Variants in ACACA observed in about 807,000 individuals in gnomAD.
ACACA encodes the protein acetyl-CoA carboxylase 1.
Under a neutral mutation model 296.1 loss-of-function variants are expected in ACACA, and 103 were observed. The observed-to-expected ratio is 0.35, with a 90% CI of 0.30 to 0.41. The LOEUF (loss-of-function observed/expected upper bound fraction) is 0.41, where lower values mean the gene tolerates loss of function less well. Among genes scored for constraint, ACACA ranks in the 10% least tolerant of loss-of-function variants. The probability of loss-of-function intolerance (pLI) is 1.00; values close to 1 mark genes in which losing one functional copy is unlikely to be tolerated. For missense variants in ACACA, 1,554 were observed against 2,989.7 expected, an observed-to-expected ratio of 0.52 and a Z score of 11.20; for synonymous variants, 953 against 1,038.6, an observed-to-expected ratio of 0.92 and a Z score of 1.58.
intron 18 of ACACA, among the ~76,000 whole-genome samples, chr17:37,247,184 T>C (rs779939188): frequency 1.3e-5 from 2 of 152,158 alleles, no homozygotes; most frequent in Non-Finnish European, 2.9e-5. Flanking sequence ...AATCATATAA[T>C]GGAATACCAC....
intron 2 of ACACA, among the ~76,000 whole-genome samples, chr17:37,333,381 G>A (rs934122936): frequency 1.8e-4 from 27 of 151,976 alleles, no homozygotes; most frequent in Non-Finnish European, 8.8e-5. Flanking sequence ...GAAGGGAACC[G>A]CCAACCAGAT....
At position 37,093,193 on chromosome 17, in the gene ACACA, T is replaced by G. The variant is rs372183002; in HGVS notation, c.6891+3803A>C. On this transcript the variant is annotated intron_variant, in intron 54 of 55. Coordinates refer to ENST00000616317, the MANE Select transcript of ACACA (RefSeq NM_198834.3). ...AAGTGACCCTGTCAATAGTGCTTTT[T>G]CCTATGGTCCTCACAGGGGCCTCTG... Among the ~76,000 whole-genome samples the G allele has an allele frequency of 3.3e-5, 5 of 152,348 alleles. No individual in the cohort carries two copies. In the East Asian group the frequency reaches 5.8e-4, roughly 18 times the overall value.
intron 7 of ACACA, 83 bp downstream of exon 7, chr17:37,276,950 C>T: frequency 3.3e-6 from 4 of 1,202,508 alleles, no homozygotes; most frequent in South Asian, 2.4e-5. Flanking sequence ...ACATGTTAAA[C>T]AGAAAATCAG....
At chr17:37,349,480 G>A (rs559722124) in intron 1 of ACACA, among the ~76,000 whole-genome samples, 5 of 145,474 alleles carry the variant, frequency 3.4e-5, no homozygotes, top group African/African-American at 1.0e-4. Context: ...ACATATATAC[G>A]TATATAAGAT....
rs1297911951 is a variant in ACACA, at chr17:37,087,451, G to C, written c.7029-12C>G. On this transcript the variant is annotated splice_polypyrimidine_tract_variant and intron_variant, in intron 55 of 55. Transcript: ENST00000616317. ...TGGCCTGGACCAAGCTGGAAAGGAAGATTGAGAATGGTGAAGAAAAGAGAA... is the reference window on the plus strand; with the variant it reads ...TGGCCTGGACCAAGCTGGAAAGGAACATTGAGAATGGTGAAGAAAAGAGAA... 2 of 1,614,156 alleles carry C rather than the reference G, an allele frequency of 1.2e-6. No individual in the cohort carries two copies. The highest frequency in any genetic ancestry group is 3.3e-5 in the Admixed American group (2 of 60,020).
chr17:37,373,309 G>A (rs1037986156), intron 1 of ACACA, among the ~76,000 whole-genome samples: 2 of 151,840 alleles, frequency 1.3e-5, no homozygotes, highest in African/African-American at 4.8e-5. Context: ...GAGCAGTGGT[G>A]TGCTGTTGGC....
rs1232802672 is a variant in ACACA, at chr17:37,274,229, T to C, written c.972A>G (p.Glu324=). The change falls in exon 9 of 56, where the codon GAA becomes GAG. Residue 324 remains glutamate, a synonymous_variant. Coordinates refer to ENST00000616317, the MANE Select transcript of ACACA (RefSeq NM_198834.3). ...CATCCACATCTTTCACATAACCTTT[T>C]TCATATAGCTCCTGGGGAACATTTA... The part of the protein sequence containing the change: ...RILNVPQELY[E]KGYVKDVDDG... The C allele has an allele frequency of 1.2e-6, 2 of 1,614,068 alleles. No individual in the cohort carries two copies. The highest frequency in any genetic ancestry group is 4.5e-5 in the East Asian group (2 of 44,896).
chr17:37,377,761 G>T, intron 1 of ACACA: 1 of 648,450 alleles, frequency 1.5e-6, no homozygotes, highest in Non-Finnish European at 2.6e-6. Flanking sequence ...TTATGAGCAG[G>T]AACTGCAATC....
intron 1 of ACACA, chr17:37,365,487 G>A (rs1048021425): frequency 3.7e-5 from 36 of 985,296 alleles, no homozygotes; most frequent in South Asian, 2.8e-4. Flanking sequence ...CCGTCTTCAC[G>A]TTGTCTCTGA....
chr17:37,167,976 C>T (rs2076747849), intron 41 of ACACA, among the ~76,000 whole-genome samples: 1 of 152,056 alleles, frequency 6.6e-6, no homozygotes, highest in South Asian at 2.1e-4. Context: ...TTTAAAAATA[C>T]CCATGATGTA....
chr17:37,125,864 G>A (rs966945585), intron 47 of ACACA, 70 bp from the exon 48 acceptor site: 11 of 1,351,472 alleles, frequency 8.1e-6, no homozygotes, highest in South Asian at 3.6e-5. Context: ...TGGAACTGAC[G>A]AATTTAAGGT....
chr17:37,133,644 GA>G lies in ACACA; in HGVS notation c.5680-3427del, dbSNP rs138474979. 1.8e-4 allele frequency among the ~76,000 whole-genome samples: 28 copies of G among 152,316 alleles called. 2 individuals carry two copies. In the East Asian group the frequency reaches 5.4e-3, roughly 29 times the overall value. Reference sequence around the variant, plus strand: ...ATCAACATATTTTCATGAAGTAGGTGAGCTGCATTCAACACTCTTTTAAACT... The same window carrying G: ...ATCAACATATTTTCATGAAGTAGGTGGCTGCATTCAACACTCTTTTAAACT... On this transcript the variant is annotated intron_variant, in intron 45 of 55. Coordinates refer to ENST00000616317, the MANE Select transcript of ACACA (RefSeq NM_198834.3).
intron 6 of ACACA, 99 bp downstream of exon 6, chr17:37,277,797 A>T: frequency 2.1e-6 from 2 of 945,342 alleles, no homozygotes; most frequent in Non-Finnish European, 3.4e-6. Context: ...TAATTTTCGA[A>T]AATGATGCTT....
In ACACA at chr17:37,259,507, C is replaced by G; in HGVS notation, c.1353G>C (p.Met451Ile). 6.2e-7 allele frequency: 1 copy of G among 1,614,170 alleles called. No homozygotes were observed. Among genetic ancestry groups the G allele is most frequent in the Non-Finnish European group, 8.5e-7 (1 of 1,180,026 alleles). ...MEQCAVKLAK[M>I]VGYVSAGTVE... is the part of the protein sequence containing the mutation. ...CAGTCCCAGCACTCACATAACCCAC[C>G]ATTTTGGCAAGTTTCACCGCACACT... The change falls in exon 12 of 56, where the codon ATG becomes ATC. Residue 451 changes from methionine to isoleucine, a missense_variant. Around this residue, in one of 16 missense-constraint regions of ACACA, gnomAD observed 82 missense variants for 185.2 expected, o/e 0.44. Transcript: ENST00000616317.
chr17:37,305,554 T>C (rs1021577713), intron 3 of ACACA, among the ~76,000 whole-genome samples: 22 of 152,350 alleles, frequency 1.4e-4, no homozygotes, highest in African/African-American at 5.1e-4. Context: ...AAGTCTGCCC[T>C]AGCTGTTACT....
chr17:37,150,672 G>A (rs1318432392), intron 44 of ACACA, among the ~76,000 whole-genome samples: 1 of 152,024 alleles, frequency 6.6e-6, no homozygotes, highest in Non-Finnish European at 1.5e-5. Context: ...AGGATCACTT[G>A]AGCCCAGGGG....
At chr17:37,191,680 A>T (rs1191219965) in intron 37 of ACACA, among the ~76,000 whole-genome samples, 1 of 152,170 alleles carries the variant, frequency 6.6e-6, no homozygotes, top group Non-Finnish European at 1.5e-5. Context: ...GACACTACCC[A>T]TACTTCTAGA....
Position 37,112,951 on chromosome 17 carries a change from T to C in ACACA, c.6452+137A>G, listed in dbSNP as rs1189484506. 12 of 1,049,816 alleles carry C rather than the reference T, an allele frequency of 1.1e-5. No individual in the cohort carries two copies. In the Admixed American group the frequency reaches 2.5e-4, roughly 22 times the overall value. The allele number at this position is 1,049,816 out of a possible 1,614,324, so 65.0% of individuals were successfully genotyped here. A position where few individuals can be genotyped will look rare whatever the true frequency, so the allele number is the denominator to read the frequency against. On this transcript the variant is annotated intron_variant, in intron 51 of 55. Transcript: ENST00000616317. ...AATGCTAGAGTGAGGACCTGGACTG[T>C]AATGGAAGGAAAAAGCTTTGGTTTG...
intron 29 of ACACA, among the ~76,000 whole-genome samples, chr17:37,214,089 T>C (rs2145517980): frequency 6.6e-6 from 1 of 152,282 alleles, no homozygotes; most frequent in African/African-American, 2.4e-5. Context: ...AGGGCAACTC[T>C]TTTGAAATCA....
Sources: gnomAD v4.1 joint callset for allele counts (sites outside exome capture counted in the v4.1 genomes callset) on GRCh38, gnomAD v4.1.1 for gene constraint, gnomAD v4.1.1 regional missense constraint, MANE v1.5 for transcripts, NCBI Gene and HGNC (gene_info 2026-07-23, HGNC 2026-07-21) for gene names.